PRKCE: variants seen among roughly 807,000 people sequenced by gnomAD.
The protein encoded by PRKCE is protein kinase C epsilon type.
In PRKCE, 16 loss-of-function variants were observed where a neutral mutation model predicts 85.4. The ratio of observed to expected loss-of-function variants is 0.19; its 90% CI spans 0.13 to 0.28. The LOEUF is 0.28. Ranked by LOEUF, PRKCE falls within the 10% of genes least tolerant of loss-of-function variation. PRKCE has a pLI of 1.00. For synonymous variants in PRKCE, 388 were observed against 371.5 expected (o/e 1.04, Z -0.51); for missense variants, 573 against 975.2 (o/e 0.59, Z 5.49).
intron 2 of PRKCE, among the ~76,000 whole-genome samples, chr2:45,862,364 C>T (rs1037899715): frequency 6.6e-6 from 1 of 152,208 alleles, no homozygotes; most frequent in Non-Finnish European, 1.5e-5. Flanking sequence ...CTCCTGGATC[C>T]CTCTCCAGTG....
intron 1 of PRKCE, among the ~76,000 whole-genome samples, chr2:45,812,094 G>C (rs776441665): frequency 3.0e-4 from 46 of 152,190 alleles, no homozygotes; most frequent in Admixed American, 4.6e-4. Flanking sequence ...CAACCCTGAT[G>C]AGCAGTATGA....
At chr2:45,910,614 T>C (rs1008481556) in intron 2 of PRKCE, among the ~76,000 whole-genome samples, 1 of 152,182 alleles carries the variant, frequency 6.6e-6, no homozygotes, top group Non-Finnish European at 1.5e-5. Flanking sequence ...AAGTTTGTTA[T>C]GATCATTAAA....
chr2:45,755,062 C>T (rs1174376119), intron 1 of PRKCE, among the ~76,000 whole-genome samples: 8 of 152,152 alleles, frequency 5.3e-5, no homozygotes, highest in East Asian at 3.8e-4. Flanking sequence ...GGCCTGGAGG[C>T]GAGGGGAGTG....
At chr2:45,845,231 G>A (rs1691684927) in intron 2 of PRKCE, among the ~76,000 whole-genome samples, 1 of 151,934 alleles carries the variant, frequency 6.6e-6, no homozygotes, top group Admixed American at 6.5e-5. Context: ...AGCCTGGAGG[G>A]GGTTTTGGAA....
chr2:45,739,951 AAGTAGCTTTG>A (rs1357090717), intron 1 of PRKCE, among the ~76,000 whole-genome samples: 1 of 152,208 alleles, frequency 6.6e-6, no homozygotes, highest in Non-Finnish European at 1.5e-5. Flanking sequence ...GTGATGAACT[AAGTAGCTTTG>A]AGATACACCA....
At chr2:46,103,887 G>A (rs780761116) in intron 11 of PRKCE, among the ~76,000 whole-genome samples, 2 of 152,136 alleles carry the variant, frequency 1.3e-5, no homozygotes, top group Non-Finnish European at 2.9e-5. Flanking sequence ...GGCAGAGATG[G>A]AAAGGAGGAG....
intron 10 of PRKCE, among the ~76,000 whole-genome samples, chr2:46,029,401 G>A (rs1013222679): frequency 1.4e-4 from 22 of 152,130 alleles, no homozygotes; most frequent in Admixed American, 4.6e-4. Context: ...CCATTTTATG[G>A]ATAAGCACAT....
At chr2:45,793,567 G>A (rs540028456) in intron 1 of PRKCE, among the ~76,000 whole-genome samples, 1 of 152,292 alleles carries the variant, frequency 6.6e-6, no homozygotes, top group African/African-American at 2.4e-5. Context: ...AGCAACTCCA[G>A]ACGGTGGCCT....
intron 2 of PRKCE, among the ~76,000 whole-genome samples, chr2:45,924,653 C>T (rs1698484098): frequency 6.6e-6 from 1 of 152,174 alleles, no homozygotes; most frequent in Non-Finnish European, 1.5e-5. Context: ...CACACATAAA[C>T]ATATGAAAAA....
chr2:45,955,101 GTA>G (rs1476621099), intron 2 of PRKCE, among the ~76,000 whole-genome samples: 4 of 142,410 alleles, frequency 2.8e-5, no homozygotes, highest in African/African-American at 1.0e-4. Context: ...ACTCCATCAA[GTA>G]TATAATTAAA....
intron 10 of PRKCE, among the ~76,000 whole-genome samples, chr2:46,052,314 A>G (rs1416352561): frequency 6.6e-6 from 1 of 152,250 alleles, no homozygotes. Context: ...AGGAGACAAG[A>G]TCAATATACA....
intron 10 of PRKCE, among the ~76,000 whole-genome samples, chr2:46,052,340 C>G (rs1359015879): frequency 6.6e-6 from 1 of 152,178 alleles, no homozygotes; most frequent in Non-Finnish European, 1.5e-5. Context: ...AATTACAGTT[C>G]TTTATACTAG....
At chr2:46,097,531 A>AAAAAAAAAAAAAAAAAAAAAAAAAAAC (rs1670821811) in intron 11 of PRKCE, among the ~76,000 whole-genome samples, 1 of 148,436 alleles carries the variant, frequency 6.7e-6, no homozygotes, top group Non-Finnish European at 1.5e-5. Flanking sequence ...AAAAAAAAAA[A>AAAAAAAAAAAAAAAAAAAAAAAAAAAC]AAAAAAGCTG....
intron 6 of PRKCE, among the ~76,000 whole-genome samples, chr2:45,990,658 CTT>C (rs796096867): frequency 1.1e-4 from 16 of 144,180 alleles, no homozygotes; most frequent in Admixed American, 1.4e-4. Flanking sequence ...AAATTACTTT[CTT>C]TTTTTTTTTT....
At chr2:45,661,380 A>T (rs1057104575) in intron 1 of PRKCE, among the ~76,000 whole-genome samples, 3 of 151,900 alleles carry the variant, frequency 2.0e-5, no homozygotes, top group Admixed American at 2.0e-4. Flanking sequence ...ACAGGGTTTC[A>T]CCATGTTGGC....
At chr2:46,032,565 G>T (rs1019426862) in intron 10 of PRKCE, among the ~76,000 whole-genome samples, 1 of 151,926 alleles carries the variant, frequency 6.6e-6, no homozygotes, top group Non-Finnish European at 1.5e-5. Context: ...TTTTTTTCTT[G>T]CATCTCAGTC....
intron 2 of PRKCE, among the ~76,000 whole-genome samples, chr2:45,848,459 C>A (rs1691978008): frequency 6.6e-6 from 1 of 152,134 alleles, no homozygotes. Context: ...TACAGGCATG[C>A]ACCACCATGC....
At chr2:45,890,334 T>C (rs973090733) in intron 2 of PRKCE, among the ~76,000 whole-genome samples, 49 of 152,298 alleles carry the variant, frequency 3.2e-4, no homozygotes, top group African/African-American at 1.2e-3. Context: ...ATAGAAATAC[T>C]TCAGTACATA....
chr2:45,850,033 C>T (rs1353190038), intron 2 of PRKCE, among the ~76,000 whole-genome samples: 1 of 152,170 alleles, frequency 6.6e-6, no homozygotes, highest in East Asian at 1.9e-4. Context: ...AGCCAAGAAA[C>T]CCTCATTTCC....
Sources: allele counts gnomAD v4.1 joint callset (sites outside exome capture counted in the v4.1 genomes callset), GRCh38; gene constraint gnomAD v4.1.1; transcripts MANE v1.5; gene names NCBI Gene and HGNC (gene_info 2026-07-23, HGNC 2026-07-21).